Variants in HDHD5 observed in about 807,000 individuals in gnomAD.
HDHD5 encodes the protein haloacid dehalogenase-like hydrolase domain-containing 5.
A neutral mutation model predicts 35.5 loss-of-function variants in HDHD5; 34 were observed. The observed-to-expected ratio is 0.96, with a 90% CI of 0.73 to 1.28. The LOEUF is 1.28. Among genes scored for constraint, HDHD5 ranks in the 50% most tolerant of loss-of-function variants. The pLI is 0.00. For synonymous variants in HDHD5, 248 were observed against 240.6 expected, an observed-to-expected ratio of 1.03 and a Z score of -0.29; for missense variants, 589 against 560.2, an observed-to-expected ratio of 1.05 and a Z score of -0.52.
At chr22:17,157,076 T>TCTCACACACACACACACACACACACACA (rs1555881505) in intron 1 of HDHD5, among the ~76,000 whole-genome samples, 3 of 56,170 alleles carry the variant, frequency 5.3e-5, no homozygotes, top group Admixed American at 5.2e-4. Context: ...AGACACCGTC[T>TCTCACACACACACACACACACACACACA]CACACACATA....
chr22:17,155,738 T>C (rs956452538), intron 1 of HDHD5, among the ~76,000 whole-genome samples: 7 of 152,108 alleles, frequency 4.6e-5, no homozygotes, highest in African/African-American at 1.7e-4. Context: ...TTATAACAAA[T>C]GTACCACACT....
At chr22:17,159,764 G>A (rs943960244), upstream of HDHD5, 8 of 290,590 alleles carry the variant, frequency 2.8e-5, no homozygotes, top group Admixed American at 1.1e-4. Flanking sequence ...CCCTCCCAGC[G>A]CATAGGGAGA....
At chr22:17,143,217 G>T in intron 4 of HDHD5, 86 bp from the exon 5 acceptor site, 1 of 1,463,712 alleles carries the variant, frequency 6.8e-7, no homozygotes, top group South Asian at 1.2e-5. Flanking sequence ...GTGCTGGGAG[G>T]GGAGGGGAGA....
intron 3 of HDHD5, 54 bp downstream of exon 3, chr22:17,148,394 A>G: frequency 7.0e-7 from 1 of 1,429,518 alleles, no homozygotes; most frequent in Non-Finnish European, 9.9e-7. Flanking sequence ...CTAAGGGAGG[A>G]AACACCTCAG....
chr22:17,161,245 CAAAA>C (rs574657476), upstream of HDHD5, among the ~76,000 whole-genome samples: 1 of 105,338 alleles, frequency 9.5e-6, no homozygotes, highest in Non-Finnish European at 1.9e-5. Context: ...GACTCTATCT[CAAAA>C]AAAAAAAAAA....
chr22:17,159,048 C>T, intron 1 of HDHD5, 78 bp downstream of exon 1: 1 of 1,152,256 alleles, frequency 8.7e-7, no homozygotes, highest in Non-Finnish European at 1.1e-6. Flanking sequence ...GCCCGGCCGC[C>T]CCTCCTTCCC....
chr22:17,142,819 A>C, intron 5 of HDHD5: 1 of 367,662 alleles, frequency 2.7e-6, no homozygotes, highest in Non-Finnish European at 4.9e-6. Context: ...TGGGTTTAAA[A>C]GTTGAGAAAC....
intron 3 of HDHD5, among the ~76,000 whole-genome samples, chr22:17,145,815 G>C (rs780853682): frequency 2.2e-4 from 33 of 152,128 alleles, no homozygotes; most frequent in Non-Finnish European, 4.1e-4. Context: ...CAGTGGGCTG[G>C]GGAGTCCAGA....
chr22:17,162,597 A>G (rs543017040), upstream of HDHD5, among the ~76,000 whole-genome samples: 2 of 152,222 alleles, frequency 1.3e-5, no homozygotes, highest in Non-Finnish European at 2.9e-5. Context: ...GGGAAAGATG[A>G]CAGAAGGTGC....
In HDHD5 at chr22:17,149,603, T is replaced by A; in HGVS notation, c.269A>T (p.Asn90Ile). Residue 90 changes from asparagine to isoleucine, a missense_variant, in exon 2 of 8, where the codon AAT becomes ATT. Coordinates refer to ENST00000336737, the MANE Select transcript of HDHD5 (RefSeq NM_033070.3). ...GCTGTGTTGTAAGATGTTCCCAGCA[T>A]TTGTAACAAAAACCACGGGCACCCG... ...QLRVPVVFVT[N>I]AGNILQHSKA... is the part of the protein sequence containing the mutation. The A allele has an allele frequency of 6.2e-7, 1 of 1,613,158 alleles. No individual in the cohort carries two copies. The highest frequency in any genetic ancestry group is 1.1e-5 in the South Asian group (1 of 91,040).
intron 6 of HDHD5, 88 bp from the exon 7 acceptor site, chr22:17,138,826 A>G (rs741139): frequency 0.21 from 302,876 of 1,444,292 alleles, 33,328 homozygotes; most frequent in Middle Eastern, 0.27. Context: ...AGCAGCAAAC[A>G]CACAGACCAG....
In HDHD5 at chr22:17,149,658, G is replaced by T. The variant is rs766181538; in HGVS notation, c.214C>A (p.Arg72=). 1 of 1,613,826 alleles carries T rather than the reference G, an allele frequency of 6.2e-7. No individual in the cohort carries two copies. Among genetic ancestry groups the T allele is most frequent in the Non-Finnish European group, 8.5e-7 (1 of 1,180,004 alleles). ...TGCCCCTGGGAGTTCACCAGCCTTC[G>T]GAAGGCTTTCAGAGCAGCAGGGATC... ...RVIPAALKAF[R]RLVNSQGQLR... is the part of the protein sequence containing the mutation. The change falls in exon 2 of 8, where the codon CGA becomes AGA. Residue 72 remains arginine, a synonymous_variant. Transcript: ENST00000336737.
upstream of HDHD5, among the ~76,000 whole-genome samples, chr22:17,160,208 T>C (rs547415833): frequency 1.4e-4 from 21 of 152,284 alleles, no homozygotes; most frequent in East Asian, 3.7e-3. Flanking sequence ...GGACAGAGAC[T>C]GCACTAGCTC....
chr22:17,155,486 C>A (rs1437909023), intron 1 of HDHD5, among the ~76,000 whole-genome samples: 1 of 152,102 alleles, frequency 6.6e-6, no homozygotes, highest in Non-Finnish European at 1.5e-5. Context: ...ACCTCGTGAT[C>A]CGCCCGTCGC....
At chr22:17,140,939 C>T in intron 6 of HDHD5, 120 bp downstream of exon 6, 1 of 853,814 alleles carries the variant, frequency 1.2e-6, no homozygotes, top group Non-Finnish European at 1.7e-6. Context: ...ACAACAGGGC[C>T]TACCTAAGTG....
intron 1 of HDHD5, among the ~76,000 whole-genome samples, chr22:17,154,364 C>A (rs1257830443): frequency 1.3e-5 from 1 of 79,194 alleles, no homozygotes; most frequent in Non-Finnish European, 2.4e-5. Context: ...TGCCTGTAAT[C>A]CCAGCTACTC....
At chr22:17,138,878 G>T in intron 6 of HDHD5, 140 bp from the exon 7 acceptor site, 1 of 818,604 alleles carries the variant, frequency 1.2e-6, no homozygotes, top group South Asian at 1.7e-5. Flanking sequence ...CAGACACTGT[G>T]CAGGCACTGG....
At chr22:17,146,336 T>C (rs5994177) in intron 3 of HDHD5, among the ~76,000 whole-genome samples, 124,834 of 142,964 alleles carry the variant, frequency 0.87, 53,949 homozygotes, top group African/African-American at 0.92. Context: ...TTCAATCACA[T>C]GCCATCGCAC....
Position 17,138,240 on chromosome 22 carries a change from T to G in HDHD5, c.1053A>C (p.Ser351=). ...GAGGTRQQQP[S]ASQSCISILV... ...GGATGGAGATGCAGCTCTGGCTTGC[T>G]GAGGGCTGTTGCTGCCGTGTGCCCC... The change falls in exon 8 of 8, where the codon TCA becomes TCC. Residue 351 remains serine (S), a synonymous_variant. Transcript: ENST00000336737. 6.2e-7 allele frequency: 1 copy of G among 1,614,204 alleles called. No individual in the cohort carries two copies. The highest frequency in any genetic ancestry group is 8.5e-7 in the Non-Finnish European group (1 of 1,180,040).
Sources: allele counts gnomAD v4.1 joint callset (sites outside exome capture counted in the v4.1 genomes callset), GRCh38; gene constraint gnomAD v4.1.1; transcripts MANE v1.5; gene names NCBI Gene and HGNC (gene_info 2026-07-23, HGNC 2026-07-21).